Variants in PFKFB1 observed in about 807,000 individuals in gnomAD.
PFKFB1 encodes the protein 6-phosphofructo-2-kinase/fructose-2,6-bisphosphatase 1.
A neutral mutation model predicts 46.4 loss-of-function variants in PFKFB1; 34 were observed. The observed-to-expected ratio is 0.73, with a 90% CI of 0.56 to 0.98. The LOEUF is 0.98. PFKFB1 is among the 50% of genes least tolerant of loss of function. PFKFB1 has a pLI of 0.00. For synonymous variants in PFKFB1, 119 were observed against 133.8 expected, an observed-to-expected ratio of 0.89 and a Z score of 0.76; for missense variants, 393 against 376.3, an observed-to-expected ratio of 1.04 and a Z score of -0.37.
At chrX:54,994,623 G>C, upstream of PFKFB1, 1 of 754,014 alleles carries the variant, frequency 1.3e-6, no homozygotes, top group Admixed American at 8.6e-5. Flanking sequence ...TTTTGAGCTG[G>C]CAATTAGAGG....
intron 10 of PFKFB1, among the ~76,000 whole-genome samples, chrX:54,941,531 G>C (rs1237600444): frequency 9.0e-6 from 1 of 111,416 alleles, no homozygotes; most frequent in African/African-American, 3.3e-5. Flanking sequence ...ACAAAGAACT[G>C]AAACAAATTT....
intron 1 of PFKFB1, among the ~76,000 whole-genome samples, chrX:54,986,346 G>A (rs1003467006): frequency 3.6e-5 from 4 of 112,060 alleles, no homozygotes; most frequent in Admixed American, 9.5e-5. Context: ...GTAAAATAAC[G>A]TAAGTAATAC....
intron 8 of PFKFB1, among the ~76,000 whole-genome samples, chrX:54,950,112 C>T (rs745450571): frequency 9.8e-5 from 11 of 112,321 alleles, no homozygotes; most frequent in East Asian, 5.7e-4. Flanking sequence ...ATAGGTGTGT[C>T]GTTAACTGCT....
At chrX:54,981,160 C>T (rs1934977191) in intron 1 of PFKFB1, among the ~76,000 whole-genome samples, 1 of 110,518 alleles carries the variant, frequency 9.0e-6, no homozygotes, top group Non-Finnish European at 1.9e-5. Context: ...ATAAAGTCTA[C>T]CATGGGTTTA....
chrX:54,970,652 C>G (rs1934629146), intron 1 of PFKFB1, among the ~76,000 whole-genome samples: 1 of 43,974 alleles, frequency 2.3e-5, no homozygotes, highest in East Asian at 1.0e-3. Context: ...CATGTCCCTA[C>G]AAAGGACATG....
chrX:54,960,985 G>T, intron 2 of PFKFB1, 68 bp from the exon 3 acceptor site: 1 of 661,271 alleles, frequency 1.5e-6, no homozygotes. Flanking sequence ...TCCTTGCTGG[G>T]AGGGACCTCA....
At chrX:54,975,940 T>A (rs1318931413) in intron 1 of PFKFB1, among the ~76,000 whole-genome samples, 1 of 110,992 alleles carries the variant, frequency 9.0e-6, no homozygotes, top group African/African-American at 3.3e-5. Context: ...AAAAAATAAT[T>A]CAAAGTGGAT....
At position 54,940,918 on chromosome X, in the gene PFKFB1, G is replaced by C. The variant is rs966231834; in HGVS notation, c.1099-3194C>G. Among the ~76,000 whole-genome samples the C allele has an allele frequency of 2.7e-5, 3 of 111,493 alleles. No individual in the cohort carries two copies. In the Admixed American group the frequency reaches 2.8e-4, roughly 11 times the overall value. On this transcript the variant is annotated intron_variant, in intron 10 of 13. Coordinates refer to ENST00000375006, the MANE Select transcript of PFKFB1 (RefSeq NM_002625.4). ...TTAAAGTTCGTATGGAACCAAAAAA[G>C]GGCCCGCATCGCCAAGTCAATCCTA...
chrX:54,959,127 A>G (rs1307598730), intron 4 of PFKFB1, among the ~76,000 whole-genome samples: 5 of 111,164 alleles, frequency 4.5e-5, no homozygotes, highest in African/African-American at 1.6e-4. Flanking sequence ...CCAGAAATGT[A>G]TGCTACCCTG....
upstream of PFKFB1, chrX:54,998,344 G>A (rs772982855): frequency 2.2e-5 from 22 of 1,003,328 alleles, 1 homozygote; most frequent in South Asian, 3.9e-4. Flanking sequence ...CTTTCCAGAG[G>A]GCCTGAAGAA....
Position 54,994,074 on chromosome X carries a change from C to T in PFKFB1, c.-67G>A, listed in dbSNP as rs751882931. 96 of 1,156,619 alleles carry T rather than the reference C, an allele frequency of 8.3e-5. No individual in the cohort carries two copies. Among genetic ancestry groups the T allele is most frequent in the Non-Finnish European group, 1.1e-4 (92 of 867,466 alleles). ...CTGGCCTCACTTCCTATCTTACTAG[C>T]TGTCTTTTCTCTCGCTGTGGCCACA... is the stretch of plus-strand genomic sequence containing the variant. On this transcript the variant is annotated 5_prime_UTR_variant, in exon 1 of 14. Transcript: ENST00000375006.
intron 12 of PFKFB1, 131 bp from the exon 13 acceptor site, chrX:54,934,016 TG>T (rs1319459371): frequency 4.2e-6 from 2 of 476,933 alleles, no homozygotes; most frequent in Non-Finnish European, 7.2e-6. Context: ...ATGACTCGCC[TG>T]TATGGAGGAG....
rs35766066 is a variant in PFKFB1, at chrX:54,963,185, C to T, written c.223+72G>A. ...GCATTTCTGGTATTGAGGACTTTGG[C>T]CTTCTACCTAAGTAAGGTTTTCAGC... is the stretch of plus-strand genomic sequence containing the variant. On this transcript the variant is annotated intron_variant, in intron 2 of 13. Transcript: ENST00000375006. 1.0e-5 allele frequency: 11 copies of T among 1,103,688 alleles called. No homozygotes were observed. The East Asian group carries it at 2.1e-4, about 21-fold the overall frequency. 91.0% of individuals were successfully genotyped at this position (1,103,688 alleles called of 1,213,427 possible). A position where few individuals can be genotyped will look rare whatever the true frequency, so the allele number is the denominator to read the frequency against.
chrX:54,945,785 G>A (rs12014660), intron 9 of PFKFB1, among the ~76,000 whole-genome samples: 45,874 of 105,415 alleles, frequency 0.44, 8,200 homozygotes, highest in African/African-American at 0.63. Context: ...GTGTATGTGA[G>A]TAGATGTGTT....
intron 11 of PFKFB1, among the ~76,000 whole-genome samples, chrX:54,936,431 T>TA (rs1438462625): frequency 9.0e-6 from 1 of 111,345 alleles, no homozygotes; most frequent in Admixed American, 9.5e-5. Context: ...CCAGGACAGG[T>TA]AGCCTGTGTG....
At chrX:54,974,588 T>C (rs1934785136) in intron 1 of PFKFB1, among the ~76,000 whole-genome samples, 1 of 110,977 alleles carries the variant, frequency 9.0e-6, no homozygotes, top group Admixed American at 9.6e-5. Context: ...GCAACAAAAA[T>C]AAAAATAAAT....
At chrX:54,998,672 C>T, upstream of PFKFB1, 1 of 383,252 alleles carries the variant, frequency 2.6e-6, no homozygotes, top group South Asian at 5.3e-5. Context: ...TTCACCTTGC[C>T]CCAAAGGTCA....
upstream of PFKFB1, chrX:54,998,416 A>C: frequency 7.8e-6 from 9 of 1,152,259 alleles, no homozygotes; most frequent in Non-Finnish European, 1.0e-5. Context: ...CTTTTATTCT[A>C]GAGGTTTTTT....
intron 1 of PFKFB1, among the ~76,000 whole-genome samples, chrX:54,983,416 ATG>A (rs1210310399): frequency 8.9e-6 from 1 of 111,756 alleles, no homozygotes; most frequent in Non-Finnish European, 1.9e-5. Flanking sequence ...AAGGGAGAAC[ATG>A]CAGTATTTGG....
Sources: gnomAD v4.1 joint callset for allele counts (sites outside exome capture counted in the v4.1 genomes callset) on GRCh38, gnomAD v4.1.1 for gene constraint, MANE v1.5 for transcripts, NCBI Gene and HGNC (gene_info 2026-07-23, HGNC 2026-07-21) for gene names.